Variants in C13orf42 observed in about 807,000 individuals in gnomAD.
C13orf42 encodes the protein chromosome 13 open reading frame 42.
chr13:51,170,543 A>G (rs1474410725), intron 1 of C13orf42, among the ~76,000 whole-genome samples: 1 of 151,852 alleles, frequency 6.6e-6, no homozygotes, highest in Admixed American at 6.6e-5. Context: ...TTGGCGCCAC[A>G]CTTCAATCTC....
chr13:51,109,135 C>T (rs1051484157), intron 1 of C13orf42, among the ~76,000 whole-genome samples: 6 of 152,216 alleles, frequency 3.9e-5, no homozygotes, highest in Non-Finnish European at 8.8e-5. Flanking sequence ...AGAGTCAGCA[C>T]CAGGACTCGT....
intron 1 of C13orf42, among the ~76,000 whole-genome samples, chr13:51,109,848 T>A (rs1040552580): frequency 1.3e-5 from 2 of 152,194 alleles, no homozygotes; most frequent in Non-Finnish European, 2.9e-5. Context: ...TAGAGGTGGG[T>A]CACTGAGCCT....
At chr13:51,132,604 C>T (rs1016644585) in intron 1 of C13orf42, among the ~76,000 whole-genome samples, 1 of 152,078 alleles carries the variant, frequency 6.6e-6, no homozygotes, top group Non-Finnish European at 1.5e-5. Flanking sequence ...GGAATATCAT[C>T]GCCCCTACTC....
At chr13:51,167,570 G>A (rs906458868) in intron 1 of C13orf42, among the ~76,000 whole-genome samples, 8 of 152,204 alleles carry the variant, frequency 5.3e-5, no homozygotes, top group Non-Finnish European at 1.0e-4. Context: ...TGGTGGTGCG[G>A]GGAGTGCTGG....
chr13:51,169,276 C>G (rs1193704485), intron 1 of C13orf42, among the ~76,000 whole-genome samples: 2 of 152,166 alleles, frequency 1.3e-5, no homozygotes, highest in Non-Finnish European at 2.9e-5. Context: ...GAAATCCAGG[C>G]TGAAGAGGTC....
rs1953421195 is a variant in C13orf42 at position 51,110,829 on chromosome 13, C to T, written c.381G>A (p.Lys127=). The T allele has an allele frequency of 7.5e-6, 3 of 398,548 alleles. No homozygotes were observed. The highest frequency in any genetic ancestry group is 3.6e-5 in the East Asian group (1 of 28,082). The allele number at this position is 398,548 out of a possible 1,614,324, so 24.7% of individuals were successfully genotyped here. A position where few individuals can be genotyped will look rare whatever the true frequency, so the allele number is the denominator to read the frequency against. ...TSSKSSKGGK[K]TPVRSTPKEI... ...CTTTGGGAGTAGACCGGACAGGAGTCTTTTTCCCTCCCTTGGAGGATTTGG... is the reference window on the plus strand; with the variant it reads ...CTTTGGGAGTAGACCGGACAGGAGTTTTTTTCCCTCCCTTGGAGGATTTGG... The change falls in exon 1 of 4, where the codon AAG becomes AAA. Residue 127 remains lysine (K), a synonymous_variant. Coordinates refer to ENST00000563710, the MANE Select transcript of C13orf42 (RefSeq NM_001351589.3).
chr13:51,152,762 A>G (rs534317645), intron 1 of C13orf42, among the ~76,000 whole-genome samples: 1 of 152,322 alleles, frequency 6.6e-6, no homozygotes, highest in African/African-American at 2.4e-5. Flanking sequence ...ATCAGTAAAA[A>G]GAGGTCAGGG....
At chr13:51,140,724 C>T (rs1021911901) in intron 1 of C13orf42, among the ~76,000 whole-genome samples, 2 of 152,026 alleles carry the variant, frequency 1.3e-5, no homozygotes, top group Admixed American at 1.3e-4. Context: ...GCTTCCATGA[C>T]GATGGAAGGG....
intron 1 of C13orf42, among the ~76,000 whole-genome samples, chr13:51,090,483 G>T (rs1198501832): frequency 6.6e-6 from 1 of 152,122 alleles, no homozygotes; most frequent in Non-Finnish European, 1.5e-5. Flanking sequence ...GTAATGCAAG[G>T]TCCATGGTGG....
At chr13:51,091,176 C>T (rs920612622) in intron 1 of C13orf42, among the ~76,000 whole-genome samples, 3 of 152,172 alleles carry the variant, frequency 2.0e-5, no homozygotes, top group South Asian at 2.1e-4. Flanking sequence ...TCCCACTTCC[C>T]GGGCTCTGCT....
At chr13:51,107,510 G>A (rs1354403746) in intron 1 of C13orf42, among the ~76,000 whole-genome samples, 1 of 152,138 alleles carries the variant, frequency 6.6e-6, no homozygotes, top group Non-Finnish European at 1.5e-5. Context: ...CCACAAAAGA[G>A]GGACAGACAA....
At chr13:51,122,741 C>G (rs1433374475) in intron 1 of C13orf42, among the ~76,000 whole-genome samples, 1 of 152,152 alleles carries the variant, frequency 6.6e-6, no homozygotes, top group Non-Finnish European at 1.5e-5. Flanking sequence ...TAACCTGTGA[C>G]CAGTCTTAAA....
rs138437394 is a variant in C13orf42, at chr13:51,086,163, C to T, written c.563-604G>A. On this transcript the variant is annotated intron_variant, in intron 2 of 3. Transcript: ENST00000563710. ...CTACTGAAAAATACAAAAAATTAGC[C>T]GGGCGTGGTGGTGAGCGCCCGTAGT... is the stretch of plus-strand genomic sequence containing the variant. 9.9e-3 allele frequency among the ~76,000 whole-genome samples: 1,505 copies of T among 152,120 alleles called. 67 individuals carry two copies. The highest frequency in any genetic ancestry group is 0.071 in the Admixed American group (1,086 of 15,282).
chr13:51,084,800 G>C (rs1454360831), intron 3 of C13orf42, among the ~76,000 whole-genome samples: 1 of 152,198 alleles, frequency 6.6e-6, no homozygotes, highest in East Asian at 1.9e-4. Flanking sequence ...AACTAGGCCT[G>C]GGGGAGGAGG....
chr13:51,115,505 TC>T (rs1303439181), upstream of C13orf42, among the ~76,000 whole-genome samples: 1 of 152,148 alleles, frequency 6.6e-6, no homozygotes, highest in Non-Finnish European at 1.5e-5. Flanking sequence ...AGGTCATGGT[TC>T]CTTTAATCCC....
Position 51,135,770 on chromosome 13 carries a change from GCAT to G in C13orf42, n.137-22551_137-22549del, listed in dbSNP as rs145382485. Among the ~76,000 whole-genome samples, 545 of 152,246 alleles carry G rather than the reference GCAT, an allele frequency of 3.6e-3. 19 individuals are homozygous for G. The East Asian group carries it at 0.09, about 25-fold the overall frequency. ...CCCTGGCTTGGCAAGATTCCAAGAG[GCAT>G]CTGCCTTCAATCTGCCTTCATCTCC... On this transcript the variant is annotated intron_variant and non_coding_transcript_variant, in intron 1 of 4. Transcript: ENST00000433280.
intron 1 of C13orf42, among the ~76,000 whole-genome samples, chr13:51,150,999 CT>C (rs1017485971): frequency 6.6e-6 from 1 of 152,150 alleles, no homozygotes; most frequent in Admixed American, 6.5e-5. Flanking sequence ...CAGAACCCCC[CT>C]GGCCTGAGCT....
chr13:51,095,502 T>C (rs1953223959), intron 1 of C13orf42, among the ~76,000 whole-genome samples: 1 of 152,172 alleles, frequency 6.6e-6, no homozygotes, highest in South Asian at 2.1e-4. Context: ...CCCATAGTTC[T>C]TGGATGCTCT....
chr13:51,115,264 C>A (rs1953479504), upstream of C13orf42, among the ~76,000 whole-genome samples: 1 of 152,160 alleles, frequency 6.6e-6, no homozygotes, highest in South Asian at 2.1e-4. Context: ...TAATATTCAG[C>A]TAGAAACTGC....
Sources: allele counts gnomAD v4.1 joint callset (sites outside exome capture counted in the v4.1 genomes callset), GRCh38; gene constraint gnomAD v4.1.1; transcripts MANE v1.5; gene names NCBI Gene and HGNC (gene_info 2026-07-23, HGNC 2026-07-21).